FRS2: variants seen among roughly 807,000 people sequenced by gnomAD.
FRS2 encodes the protein fibroblast growth factor receptor substrate 2.
Under a neutral mutation model 43.9 loss-of-function variants are expected in FRS2, and 8 were observed. The ratio of observed to expected loss-of-function variants is 0.18; its 90% CI spans 0.11 to 0.33. FRS2 has a LOEUF of 0.33. Ranked by LOEUF, FRS2 falls within the 10% of genes least tolerant of loss-of-function variation. The pLI is 1.00. For missense variants in FRS2, 534 were observed against 627.6 expected, an observed-to-expected ratio of 0.85 and a Z score of 1.59; for synonymous variants, 219 against 220.3, an observed-to-expected ratio of 0.99 and a Z score of 0.05.
Position 69,509,076 on chromosome 12 carries a change from C to CT in FRS2, c.-260-21787dup, listed in dbSNP as rs1179114342. The stretch of plus-strand genomic sequence containing the variant: ...ATTATTTAACAAATCTGAAACAGCT[C>CT]TTAATATGGTTGGACACATTAAGTA... On this transcript the variant is annotated intron_variant, in intron 1 of 8. Transcript: ENST00000549921. Among the ~76,000 whole-genome samples, 10 of 152,152 alleles carry CT rather than the reference C, an allele frequency of 6.6e-5. No individual in the cohort carries two copies. In the East Asian group the frequency reaches 1.9e-3, roughly 29 times the overall value.
chr12:69,565,689 C>T (rs935140875), intron 4 of FRS2, among the ~76,000 whole-genome samples: 2 of 152,050 alleles, frequency 1.3e-5, no homozygotes, highest in East Asian at 1.9e-4. Context: ...ATCCATATCA[C>T]GGTCTTCTCC....
chr12:69,561,880 A>G (rs1879907929), intron 3 of FRS2, among the ~76,000 whole-genome samples: 1 of 152,212 alleles, frequency 6.6e-6, no homozygotes, highest in South Asian at 2.1e-4. Context: ...TTTTACAGCT[A>G]TGGAGATAAG....
intron 1 of FRS2, 72 bp downstream of exon 1, chr12:69,470,602 G>T (rs1489775053): frequency 2.5e-6 from 1 of 396,218 alleles, no homozygotes; most frequent in Non-Finnish European, 4.4e-6. Context: ...TGCCCCCGCT[G>T]CCCGCTTCGG....
chr12:69,508,632 G>A (rs1291673750), intron 1 of FRS2, among the ~76,000 whole-genome samples: 1 of 152,152 alleles, frequency 6.6e-6, no homozygotes, highest in Non-Finnish European at 1.5e-5. Flanking sequence ...AGTTTAAAAA[G>A]TCAAATTGTA....
At chr12:69,566,877 T>G (rs1018430472) in intron 4 of FRS2, among the ~76,000 whole-genome samples, 1 of 152,204 alleles carries the variant, frequency 6.6e-6, no homozygotes, top group African/African-American at 2.4e-5. Context: ...CAGGCTGCTT[T>G]ATGGTTGGGC....
intron 1 of FRS2, among the ~76,000 whole-genome samples, chr12:69,530,001 CTGCAG>C (rs2135658659): frequency 6.6e-6 from 1 of 152,182 alleles, no homozygotes; most frequent in African/African-American, 2.4e-5. Context: ...TTGCAGTGAG[CTGCAG>C]TCTTGTCACT....
intron 6 of FRS2, among the ~76,000 whole-genome samples, chr12:69,570,925 CACCT>C (rs1220684828): frequency 2.6e-5 from 4 of 152,096 alleles, no homozygotes; most frequent in Admixed American, 6.6e-5. Flanking sequence ...AATTGGAAAA[CACCT>C]AGGGACTTTC....
Position 69,579,541 on chromosome 12 carries a change from A to G in FRS2, c.*4586A>G, listed in dbSNP as rs1212794970. The G allele has an allele frequency of 2.0e-5, 3 of 152,638 alleles. No homozygotes were observed. Among genetic ancestry groups the G allele is most frequent in the Non-Finnish European group, 2.9e-5 (2 of 68,040 alleles). 9.5% of individuals were successfully genotyped at this position (152,638 alleles called of 1,614,324 possible). ...TACTGTCCTACAAATTATGTAAAATATGGTTTAATATTAGATGACTTTGGA... is the reference window on the plus strand; with the variant it reads ...TACTGTCCTACAAATTATGTAAAATGTGGTTTAATATTAGATGACTTTGGA... On this transcript the variant is annotated 3_prime_UTR_variant, in exon 9 of 9. Transcript: ENST00000549921.
At chr12:69,516,331 G>T (rs896032962) in intron 1 of FRS2, among the ~76,000 whole-genome samples, 1 of 151,596 alleles carries the variant, frequency 6.6e-6, no homozygotes, top group Non-Finnish European at 1.5e-5. Context: ...CCATTCTCCC[G>T]CCTCAGCCTC....
intron 3 of FRS2, among the ~76,000 whole-genome samples, chr12:69,553,167 G>A (rs1477180626): frequency 6.6e-6 from 1 of 152,074 alleles, no homozygotes; most frequent in Non-Finnish European, 1.5e-5. Flanking sequence ...CGCCTCCCAG[G>A]TACACAAGAT....
At chr12:69,535,509 C>T (rs569914356) in intron 3 of FRS2, among the ~76,000 whole-genome samples, 2 of 152,022 alleles carry the variant, frequency 1.3e-5, no homozygotes, top group East Asian at 3.9e-4. Context: ...GAAATGATTG[C>T]TGTTAAGTGA....
intron 1 of FRS2, among the ~76,000 whole-genome samples, chr12:69,509,479 AAGTGTAC>A (rs1447649015): frequency 6.6e-6 from 1 of 152,162 alleles, no homozygotes; most frequent in Non-Finnish European, 1.5e-5. Flanking sequence ...AACCATTTTA[AAGTGTAC>A]AGTTCCATGG....
intron 3 of FRS2, among the ~76,000 whole-genome samples, chr12:69,559,987 A>G (rs1044924054): frequency 6.6e-6 from 1 of 152,206 alleles, no homozygotes; most frequent in Admixed American, 6.5e-5. Flanking sequence ...CCTCATTGCT[A>G]GTGAACCAAA....
chr12:69,520,603 G>A (rs1414385402), intron 1 of FRS2, among the ~76,000 whole-genome samples: 2 of 151,876 alleles, frequency 1.3e-5, no homozygotes, highest in African/African-American at 4.8e-5. Flanking sequence ...AGATGGTGTT[G>A]GAAAGGGATC....
At chr12:69,548,014 GT>G (rs964062631) in intron 3 of FRS2, among the ~76,000 whole-genome samples, 2 of 151,390 alleles carry the variant, frequency 1.3e-5, no homozygotes, top group African/African-American at 4.8e-5. Context: ...ATCTGGCTAA[GT>G]TTTTTTTATT....
chr12:69,551,792 G>A (rs1312685911), intron 3 of FRS2, among the ~76,000 whole-genome samples: 1 of 151,990 alleles, frequency 6.6e-6, no homozygotes, highest in Non-Finnish European at 1.5e-5. Context: ...TCAACATCTG[G>A]GAAGGAGTAA....
intron 8 of FRS2, 96 bp downstream of exon 8, chr12:69,572,377 A>G: frequency 2.1e-6 from 2 of 951,310 alleles, no homozygotes; most frequent in Non-Finnish European, 3.2e-6. Flanking sequence ...TTGAAGTTTA[A>G]CTTTATCTGT....
intron 6 of FRS2, 33 bp from the exon 7 acceptor site, chr12:69,571,243 T>C (rs995136109): frequency 2.0e-6 from 3 of 1,485,728 alleles, no homozygotes; most frequent in African/African-American, 1.4e-5. Context: ...AAAGGTATGT[T>C]AACTATTTTT....
intron 4 of FRS2, among the ~76,000 whole-genome samples, chr12:69,562,886 A>C (rs1417516498): frequency 6.6e-6 from 1 of 151,562 alleles, no homozygotes; most frequent in African/African-American, 2.4e-5. Flanking sequence ...ACAGAGTCTC[A>C]CTGTGTTGCC....
Sources: gnomAD v4.1 joint callset for allele counts (sites outside exome capture counted in the v4.1 genomes callset) on GRCh38, gnomAD v4.1.1 for gene constraint, MANE v1.5 for transcripts, NCBI Gene and HGNC (gene_info 2026-07-23, HGNC 2026-07-21) for gene names.